The following SMIM41 variants were observed in gnomAD, a reference collection of about 807,000 sequenced individuals.
SMIM41 encodes small integral membrane protein 41.
chr12:52,087,973 C>T (rs1939917442), intron 2 of SMIM41, among the ~76,000 whole-genome samples: 1 of 152,186 alleles, frequency 6.6e-6, no homozygotes, highest in Non-Finnish European at 1.5e-5. Flanking sequence ...ATGAAAATCG[C>T]CACCTCTCGG....
chr12:52,087,627 G>C (rs1203606631), intron 2 of SMIM41: 1 of 152,316 alleles, frequency 6.6e-6, no homozygotes, highest in South Asian at 2.1e-4. Flanking sequence ...GAAAGGATGA[G>C]ACTTTGGATT....
chr12:52,084,499 T>C (rs1355785814), intron 2 of SMIM41, among the ~76,000 whole-genome samples: 1 of 151,632 alleles, frequency 6.6e-6, no homozygotes, highest in Non-Finnish European at 1.5e-5. Context: ...AAGTAGACAA[T>C]GAAAAGAGCC....
intron 2 of SMIM41, among the ~76,000 whole-genome samples, chr12:52,099,651 A>G (rs1450273847): frequency 2.0e-5 from 3 of 152,096 alleles, no homozygotes; most frequent in Non-Finnish European, 4.4e-5. Flanking sequence ...ATTAGGAACA[A>G]CATTACAAGG....
chr12:52,097,073 C>G (rs1356695350), intron 2 of SMIM41, among the ~76,000 whole-genome samples: 1 of 152,086 alleles, frequency 6.6e-6, no homozygotes, highest in African/African-American at 2.4e-5. Context: ...GGTCGTACAC[C>G]ACTCCTGTGA....
intron 2 of SMIM41, among the ~76,000 whole-genome samples, chr12:52,088,448 T>C (rs1939925985): frequency 6.6e-6 from 1 of 152,022 alleles, no homozygotes; most frequent in African/African-American, 2.4e-5. Context: ...CTAGTGCGGA[T>C]GGGGAAGGAC....
In SMIM41 at chr12:52,083,722, TAG is replaced by T. The variant is rs1939850906; in HGVS notation, c.*121-170_*121-169del. On this transcript the variant is annotated intron_variant, in intron 1 of 2. Coordinates refer to ENST00000546390, the MANE Select transcript of SMIM41 (RefSeq NM_001369216.1). ...TATCGTGAGCATGTGCATGGAATTC[TAG>T]ATTGCAAAACTTTCCTAAACCTCAG... is the stretch of plus-strand genomic sequence containing the variant. 2.6e-5 allele frequency among the ~76,000 whole-genome samples: 4 copies of T among 152,266 alleles called. No individual in the cohort carries two copies. The South Asian group carries it at 8.3e-4, about 31-fold the overall frequency.
intron 2 of SMIM41, among the ~76,000 whole-genome samples, chr12:52,103,836 A>G (rs1388453138): frequency 1.3e-5 from 2 of 152,240 alleles, no homozygotes; most frequent in African/African-American, 4.8e-5. Flanking sequence ...TAGAGTTGCA[A>G]ACTAGAATGG....
intron 2 of SMIM41, among the ~76,000 whole-genome samples, chr12:52,095,240 G>T (rs1297861603): frequency 6.6e-6 from 1 of 151,952 alleles, no homozygotes; most frequent in Admixed American, 6.5e-5. Context: ...CATCGCAGGG[G>T]GTCGGGCGCC....
Position 52,107,951 on chromosome 12 carries a change from A to G in SMIM41, c.*768A>G, listed in dbSNP as rs1272201614. The G allele has an allele frequency of 1.3e-5, 3 of 235,766 alleles. No individual in the cohort carries two copies. The highest frequency in any genetic ancestry group is 2.5e-5 in the Non-Finnish European group (3 of 119,068). The allele number at this position is 235,766 out of a possible 1,614,324, so 14.6% of individuals were successfully genotyped here. On this transcript the variant is annotated 3_prime_UTR_variant, in exon 3 of 3. Coordinates refer to ENST00000546390, the MANE Select transcript of SMIM41 (RefSeq NM_001369216.1). The stretch of plus-strand genomic sequence containing the variant: ...TAATCATGTATTTCCCTACTGCCAT[A>G]TTTGGTTTTCTTCCCATCTCGGGGA...
At chr12:52,090,378 C>G (rs1013705204) in intron 2 of SMIM41, among the ~76,000 whole-genome samples, 1 of 146,822 alleles carries the variant, frequency 6.8e-6, no homozygotes, top group African/African-American at 2.5e-5. Flanking sequence ...CCACTGTGCC[C>G]GGCCAAGAAA....
intron 2 of SMIM41, among the ~76,000 whole-genome samples, chr12:52,103,666 C>A (rs1449034366): frequency 1.3e-5 from 2 of 152,062 alleles, no homozygotes; most frequent in East Asian, 3.9e-4. Context: ...GACTGAGACA[C>A]AAGAATCGCT....
chr12:52,098,681 G>A (rs756476180), intron 2 of SMIM41, among the ~76,000 whole-genome samples: 3 of 150,512 alleles, frequency 2.0e-5, no homozygotes, highest in African/African-American at 7.3e-5. Context: ...ACACCCCTGC[G>A]ATATTGGGAG....
intron 2 of SMIM41, among the ~76,000 whole-genome samples, chr12:52,088,665 G>C (rs1279405971): frequency 6.6e-6 from 1 of 152,162 alleles, no homozygotes; most frequent in East Asian, 1.9e-4. Flanking sequence ...CCTTGCACCT[G>C]GTCCCTGTGT....
intron 2 of SMIM41, among the ~76,000 whole-genome samples, chr12:52,098,875 AT>A (rs984660634): frequency 1.5e-4 from 23 of 151,972 alleles, no homozygotes; most frequent in African/African-American, 5.6e-4. Context: ...CTCCCAGGGT[AT>A]TCAGAACAAT....
intron 2 of SMIM41, among the ~76,000 whole-genome samples, chr12:52,103,091 C>G (rs531993468): frequency 1.3e-5 from 2 of 149,622 alleles, no homozygotes; most frequent in Non-Finnish European, 2.9e-5. Flanking sequence ...CTTGGAAGAC[C>G]GAGGTGGGAG....
At chr12:52,090,056 G>GTTGTTTGTTTGT (rs367626341) in intron 2 of SMIM41, among the ~76,000 whole-genome samples, 44 of 151,486 alleles carry the variant, frequency 2.9e-4, no homozygotes, top group African/African-American at 1.1e-3. Context: ...CCAAGAAGGT[G>GTTGTTTGTTTGT]TTGTTTGTTT....
In SMIM41 at chr12:52,089,525, T is replaced by A. The variant is rs566642584; in HGVS notation, c.*195+5557T>A. Among the ~76,000 whole-genome samples the A allele has an allele frequency of 7.2e-5, 11 of 152,144 alleles. 1 individual carries two copies. The highest frequency in any genetic ancestry group is 2.7e-4 in the African/African-American group (11 of 41,482). The stretch of plus-strand genomic sequence containing the variant: ...AAGAGACTTACTTGAGCCTGGAAGG[T>A]TGAGGCTGCAGTGAGCCATGATTGT... On this transcript the variant is annotated intron_variant, in intron 2 of 2. Coordinates refer to ENST00000546390, the MANE Select transcript of SMIM41 (RefSeq NM_001369216.1).
chr12:52,099,737 G>A (rs1277973228), intron 2 of SMIM41, among the ~76,000 whole-genome samples: 4 of 151,992 alleles, frequency 2.6e-5, no homozygotes, highest in East Asian at 1.9e-4. Flanking sequence ...ACATCATGGC[G>A]TGGGGGTCGT....
intron 1 of SMIM41, among the ~76,000 whole-genome samples, chr12:52,082,821 C>A (rs1271046075): frequency 6.6e-6 from 1 of 152,204 alleles, no homozygotes; most frequent in East Asian, 1.9e-4. Flanking sequence ...TAGTGCAGCT[C>A]CCTCTGCAGC....
Sources: allele counts gnomAD v4.1 joint callset (sites outside exome capture counted in the v4.1 genomes callset), GRCh38; gene constraint gnomAD v4.1.1; transcripts MANE v1.5; gene names NCBI Gene and HGNC (gene_info 2026-07-23, HGNC 2026-07-21).